DNAH7: variants seen among roughly 807,000 people sequenced by gnomAD.
The protein encoded by DNAH7 is dynein axonemal heavy chain 7.
DNAH7 carries 397 observed loss-of-function variants against 444.6 expected under a neutral mutation model. That is an observed-to-expected ratio of 0.89 (90% CI 0.82 to 0.97). The LOEUF (loss-of-function observed/expected upper bound fraction) is 0.97, where lower values mean the gene tolerates loss of function less well. DNAH7 is among the 50% of genes least tolerant of loss of function. The pLI is 0.00. For missense variants in DNAH7, 4,902 were observed against 4,800.8 expected, an observed-to-expected ratio of 1.02 and a Z score of -0.62; for synonymous variants, 1,636 against 1,624.4, an observed-to-expected ratio of 1.01 and a Z score of -0.17.
intron 21 of DNAH7, among the ~76,000 whole-genome samples, chr2:195,927,857 G>A (rs1688443332): frequency 1.3e-5 from 2 of 152,040 alleles, no homozygotes; most frequent in South Asian, 4.1e-4. Context: ...ACTGTATACT[G>A]CACTTGCTTG....
chr2:195,928,065 C>T (rs957782), intron 21 of DNAH7, among the ~76,000 whole-genome samples: 13,846 of 152,106 alleles, frequency 0.091, 702 homozygotes, highest in African/African-American at 0.13. Context: ...TAAACTCATG[C>T]TCCCCTTTCT....
intron 23 of DNAH7, 134 bp from the exon 24 acceptor site, chr2:195,922,331 G>T (rs1688074363): frequency 3.3e-6 from 2 of 597,244 alleles, no homozygotes; most frequent in Non-Finnish European, 6.0e-6. Flanking sequence ...TGATTCCATG[G>T]CAGAATTAAG....
At chr2:195,929,171 G>C (rs900690316) in intron 21 of DNAH7, among the ~76,000 whole-genome samples, 1 of 151,920 alleles carries the variant, frequency 6.6e-6, no homozygotes, top group African/African-American at 2.4e-5. Flanking sequence ...TAACCAAAGA[G>C]GTAAAAGATC....
At chr2:196,010,349 C>T (rs546935793) in intron 10 of DNAH7, among the ~76,000 whole-genome samples, 2 of 151,884 alleles carry the variant, frequency 1.3e-5, no homozygotes, top group Non-Finnish European at 2.9e-5. Flanking sequence ...AGGGTTTCAC[C>T]ATGTTGATTG....
intron 51 of DNAH7, among the ~76,000 whole-genome samples, chr2:195,813,483 G>A (rs1455385714): frequency 6.6e-6 from 1 of 152,176 alleles, no homozygotes; most frequent in East Asian, 1.9e-4. Context: ...CCAAAGTGCT[G>A]CAGAAGGGTA....
In DNAH7 at chr2:195,819,113, G is replaced by C. The variant is rs547642137; in HGVS notation, c.9292-1284C>G. The stretch of plus-strand genomic sequence containing the variant: ...GTGTTTGCTCTACGCCCTTCCCCTT[G>C]TTATCCACCAGATTAGCTCCTATTC... On this transcript the variant is annotated intron_variant, in intron 49 of 64. Coordinates refer to ENST00000312428, the MANE Select transcript of DNAH7 (RefSeq NM_018897.3). 2.6e-5 allele frequency among the ~76,000 whole-genome samples: 4 copies of C among 152,132 alleles called. No individual in the cohort carries two copies. In the East Asian group the frequency reaches 7.7e-4, roughly 29 times the overall value.
At chr2:195,792,394 TACAC>T (rs59046004) in intron 57 of DNAH7, among the ~76,000 whole-genome samples, 14,461 of 117,200 alleles carry the variant, frequency 0.12, 921 homozygotes, top group East Asian at 0.24. Context: ...AACCAAAAAA[TACAC>T]ACACACACAC....
chr2:195,809,919 A>T, intron 51 of DNAH7, 48 bp from the exon 52 acceptor site: 3 of 1,391,114 alleles, frequency 2.2e-6, no homozygotes, highest in Non-Finnish European at 2.8e-6. Context: ...TATACTTTAA[A>T]GATAATGCTC....
At position 195,987,053 on chromosome 2, in the gene DNAH7, A is replaced by G; in HGVS notation, c.1754+13T>C. 1.3e-6 allele frequency: 2 copies of G among 1,568,266 alleles called. No individual in the cohort carries two copies. Among genetic ancestry groups the G allele is most frequent in the Non-Finnish European group, 8.6e-7 (1 of 1,165,000 alleles). On this transcript the variant is annotated intron_variant, in intron 14 of 64. Transcript: ENST00000312428. ...CCTCCCAAAAAATAAAAAAACCAGT[A>G]TCACATAAATACCTTGTATTTACTT...
At chr2:195,964,711 A>AC (rs1491144528) in intron 17 of DNAH7, among the ~76,000 whole-genome samples, 1 of 13,382 alleles carries the variant, frequency 7.5e-5, no homozygotes, top group Non-Finnish European at 3.7e-4. Context: ...CTAAAAATAC[A>AC]AAAAAAAAAA....
At chr2:195,906,614 T>C (rs1687040609) in intron 27 of DNAH7, 45 bp downstream of exon 27, 1 of 1,576,486 alleles carries the variant, frequency 6.3e-7, no homozygotes, top group East Asian at 2.3e-5. Flanking sequence ...ATTAACTTTG[T>C]AAATTATAGA....
At chr2:195,744,522 G>A (rs528389989) in intron 63 of DNAH7, among the ~76,000 whole-genome samples, 14 of 152,286 alleles carry the variant, frequency 9.2e-5, no homozygotes, top group South Asian at 8.3e-4. Context: ...GCATGCATCC[G>A]GAGATATGAG....
At chr2:195,745,633 C>G (rs1419151002) in intron 63 of DNAH7, among the ~76,000 whole-genome samples, 1 of 152,196 alleles carries the variant, frequency 6.6e-6, no homozygotes. Context: ...CAAAGGGAAG[C>G]CCATCAGACT....
chr2:196,018,929 C>T (rs1040356322), intron 9 of DNAH7, among the ~76,000 whole-genome samples: 2 of 151,682 alleles, frequency 1.3e-5, no homozygotes, highest in African/African-American at 4.8e-5. Context: ...TCTCATGTAC[C>T]CCATAAATAT....
At chr2:195,749,484 A>G (rs572068320) in intron 63 of DNAH7, among the ~76,000 whole-genome samples, 34 of 152,338 alleles carry the variant, frequency 2.2e-4, no homozygotes, top group Admixed American at 1.2e-3. Flanking sequence ...ATTACTGGGT[A>G]TATACCCAAA....
At chr2:196,019,372 T>A in intron 8 of DNAH7, 77 bp from the exon 9 acceptor site, 1 of 1,172,418 alleles carries the variant, frequency 8.5e-7, no homozygotes, top group East Asian at 2.9e-5. Context: ...GGGTAATAAT[T>A]ATTTAATTTT....
chr2:195,924,605 A>AAG (rs111981665), intron 22 of DNAH7, among the ~76,000 whole-genome samples: 6 of 151,238 alleles, frequency 4.0e-5, no homozygotes, highest in East Asian at 1.9e-4. Context: ...AAAAAAAAAA[A>AAG]AGAGAGAGAG....
intron 57 of DNAH7, among the ~76,000 whole-genome samples, chr2:195,792,966 G>C (rs1037678741): frequency 6.6e-6 from 1 of 152,060 alleles, no homozygotes; most frequent in Non-Finnish European, 1.5e-5. Context: ...TTCTTGCTCT[G>C]TCACCCAGGC....
rs1209496370 is a variant in DNAH7, at chr2:195,798,838, G to A, written c.10353+458C>T. Among the ~76,000 whole-genome samples the A allele has an allele frequency of 5.3e-5, 8 of 151,938 alleles. No homozygotes were observed. The South Asian group carries it at 6.2e-4, about 12-fold the overall frequency. ...TGGGATTACAGGTGTGAGCCACCGT[G>A]CCTGGCCAGAACATATTTTAATCTA... On this transcript the variant is annotated intron_variant, in intron 55 of 64. Transcript: ENST00000312428.
Sources: gnomAD v4.1 joint callset for allele counts (sites outside exome capture counted in the v4.1 genomes callset) on GRCh38, gnomAD v4.1.1 for gene constraint, MANE v1.5 for transcripts, NCBI Gene and HGNC (gene_info 2026-07-23, HGNC 2026-07-21) for gene names.